NEDD4L: variants seen among roughly 807,000 people sequenced by gnomAD.
The protein encoded by NEDD4L is E3 ubiquitin-protein ligase NEDD4-like.
NEDD4L carries 54 observed loss-of-function variants against 148.9 expected under a neutral mutation model. The observed-to-expected ratio is 0.36, with a 90% confidence interval of 0.29 to 0.45. The LOEUF (loss-of-function observed/expected upper bound fraction) is 0.45. Among genes scored for constraint, NEDD4L ranks in the 20% least tolerant of loss-of-function variants. NEDD4L has a pLI of 1.00. For synonymous variants in NEDD4L, 433 were observed against 440.7 expected, an observed-to-expected ratio of 0.98 and a Z score of 0.22; for missense variants, 856 against 1,233.8, an observed-to-expected ratio of 0.69 and a Z score of 4.59.
intron 1 of NEDD4L, among the ~76,000 whole-genome samples, chr18:58,142,579 A>G (rs991991015): frequency 2.0e-5 from 3 of 152,224 alleles, no homozygotes; most frequent in Admixed American, 1.3e-4. Flanking sequence ...TACTTAAGCT[A>G]GATAAAAGAA....
At chr18:58,298,701 C>G (rs542739707) in intron 5 of NEDD4L, among the ~76,000 whole-genome samples, 8 of 152,304 alleles carry the variant, frequency 5.3e-5, no homozygotes, top group African/African-American at 1.7e-4. Context: ...ACTGTTCCCT[C>G]TGGTTCATTC....
chr18:58,087,334 C>A (rs1415548801), intron 1 of NEDD4L, among the ~76,000 whole-genome samples: 1 of 152,248 alleles, frequency 6.6e-6, no homozygotes, highest in Non-Finnish European at 1.5e-5. Context: ...TCTACACCAT[C>A]ATCCACAGTC....
chr18:58,078,012 C>T (rs984157892), intron 1 of NEDD4L, among the ~76,000 whole-genome samples: 5 of 69,110 alleles, frequency 7.2e-5, no homozygotes, highest in African/African-American at 3.3e-4. Flanking sequence ...GGCTGAGAAA[C>T]GTATTTTTTT....
At chr18:58,090,352 A>T (rs574653416) in intron 1 of NEDD4L, among the ~76,000 whole-genome samples, 2 of 152,322 alleles carry the variant, frequency 1.3e-5, no homozygotes, top group South Asian at 4.1e-4. Flanking sequence ...TCATTGGGCC[A>T]TGAGATCTGA....
chr18:58,195,077 A>G lies in NEDD4L; in HGVS notation c.122+29216A>G, dbSNP rs562086936. 3.9e-5 allele frequency among the ~76,000 whole-genome samples: 6 copies of G among 152,320 alleles called. No homozygotes were observed. In the South Asian group the frequency reaches 1.2e-3, roughly 32 times the overall value. ...GTGGGACAGTAATTTAAACAGAAGT[A>G]TCTAGAGGAGTTTCCTTATTGCCTT... is the stretch of plus-strand genomic sequence containing the variant. On this transcript the variant is annotated intron_variant, in intron 2 of 30. Transcript: ENST00000400345.
chr18:58,245,046 A>T (rs2047093325), intron 2 of NEDD4L, among the ~76,000 whole-genome samples: 1 of 152,162 alleles, frequency 6.6e-6, no homozygotes, highest in Admixed American at 6.6e-5. Flanking sequence ...CACATGAACA[A>T]TGGCTCTTTT....
At chr18:58,151,469 C>G (rs1188149541) in intron 1 of NEDD4L, among the ~76,000 whole-genome samples, 1 of 152,120 alleles carries the variant, frequency 6.6e-6, no homozygotes, top group Non-Finnish European at 1.5e-5. Flanking sequence ...GTTAGTTGTT[C>G]TCATTCCAAA....
At chr18:58,062,881 G>A (rs962227862) in intron 1 of NEDD4L, among the ~76,000 whole-genome samples, 5 of 151,324 alleles carry the variant, frequency 3.3e-5, no homozygotes, top group South Asian at 2.1e-4. Flanking sequence ...CCAGCTACTC[G>A]GGAGTCTGAG....
chr18:58,100,501 A>C (rs994291276), intron 1 of NEDD4L, among the ~76,000 whole-genome samples: 1 of 152,154 alleles, frequency 6.6e-6, no homozygotes, highest in Non-Finnish European at 1.5e-5. Flanking sequence ...ACCTTATCCT[A>C]AACTCAAGTT....
At chr18:58,211,367 G>A (rs1260482540) in intron 2 of NEDD4L, among the ~76,000 whole-genome samples, 1 of 152,178 alleles carries the variant, frequency 6.6e-6, no homozygotes, top group Non-Finnish European at 1.5e-5. Flanking sequence ...TAGGTCTCTA[G>A]AAATTATCTT....
At chr18:58,261,673 A>G (rs1360186481) in intron 5 of NEDD4L, among the ~76,000 whole-genome samples, 1 of 152,228 alleles carries the variant, frequency 6.6e-6, no homozygotes, top group Non-Finnish European at 1.5e-5. Flanking sequence ...AAAATGTAAT[A>G]AATGTTGGAT....
chr18:58,385,736 A>AC (rs1172894999), intron 26 of NEDD4L, 150 bp downstream of exon 26: 1 of 658,792 alleles, frequency 1.5e-6, no homozygotes, highest in Non-Finnish European at 2.7e-6. Context: ...CGCACAGCTC[A>AC]CACCGCTGGC....
chr18:58,382,393 T>A (rs955744131), intron 24 of NEDD4L, among the ~76,000 whole-genome samples: 17 of 152,196 alleles, frequency 1.1e-4, no homozygotes, highest in Admixed American at 1.1e-3. Flanking sequence ...TACTCTATAA[T>A]GCAACCAGCA....
intron 1 of NEDD4L, among the ~76,000 whole-genome samples, chr18:58,064,256 G>A (rs1568163671): frequency 6.6e-6 from 1 of 152,124 alleles, no homozygotes; most frequent in Non-Finnish European, 1.5e-5. Context: ...GAGCCACCGC[G>A]CCTGACCCAA....
chr18:58,147,873 G>A (rs568036169), intron 1 of NEDD4L, among the ~76,000 whole-genome samples: 2 of 152,008 alleles, frequency 1.3e-5, no homozygotes, highest in South Asian at 4.2e-4. Context: ...ATTCTTCCAG[G>A]GCACCTTACT....
intron 22 of NEDD4L, 74 bp downstream of exon 22, chr18:58,367,941 T>C: frequency 1.3e-6 from 2 of 1,526,936 alleles, no homozygotes; most frequent in South Asian, 2.4e-5. Flanking sequence ...TTTCGCATCA[T>C]GGGTTTTTAA....
chr18:58,283,670 C>G (rs1199717681), intron 5 of NEDD4L, among the ~76,000 whole-genome samples: 1 of 152,168 alleles, frequency 6.6e-6, no homozygotes, highest in African/African-American at 2.4e-5. Flanking sequence ...ACACAACATA[C>G]CCTTGTCTTG....
At chr18:58,334,897 C>T (rs997330649) in intron 12 of NEDD4L, among the ~76,000 whole-genome samples, 3 of 152,290 alleles carry the variant, frequency 2.0e-5, no homozygotes, top group Admixed American at 2.0e-4. Context: ...ATAAGAGCGT[C>T]TTTTCTGGGA....
At chr18:58,274,858 A>G (rs534374745) in intron 5 of NEDD4L, among the ~76,000 whole-genome samples, 1 of 152,316 alleles carries the variant, frequency 6.6e-6, no homozygotes, top group East Asian at 1.9e-4. Flanking sequence ...TACGTTTTTT[A>G]TGTAGTAGGT....
Sources: gnomAD v4.1 joint callset for allele counts (sites outside exome capture counted in the v4.1 genomes callset) on GRCh38, gnomAD v4.1.1 for gene constraint, MANE v1.5 for transcripts, NCBI Gene and HGNC (gene_info 2026-07-23, HGNC 2026-07-21) for gene names.